The following RELN variants were observed in gnomAD, a reference collection of about 807,000 sequenced individuals.
RELN encodes reelin.
Under a neutral mutation model 427.6 loss-of-function variants are expected in RELN, and 108 were observed. That is an observed-to-expected ratio of 0.25 (90% confidence interval 0.22 to 0.30). RELN has a LOEUF of 0.30. RELN is among the 10% of genes least tolerant of loss of function. The pLI is 1.00. For synonymous variants in RELN, 1,524 were observed against 1,513.4 expected (o/e 1.01, Z -0.16); for missense variants, 3,715 against 4,302.8 (o/e 0.86, Z 3.82).
chr7:103,894,903 A>G (rs372995339), intron 2 of RELN, among the ~76,000 whole-genome samples: 36 of 152,172 alleles, frequency 2.4e-4, no homozygotes, highest in Admixed American at 8.5e-4. Context: ...TGCCCTAAGC[A>G]CTCTAATGCA....
At chr7:103,957,519 G>T (rs1398467558) in intron 1 of RELN, among the ~76,000 whole-genome samples, 2 of 152,100 alleles carry the variant, frequency 1.3e-5, no homozygotes, top group Admixed American at 1.3e-4. Context: ...TGACTGGTTT[G>T]CCCTTTTGTG....
At chr7:103,932,783 T>G (rs1032976454) in intron 1 of RELN, among the ~76,000 whole-genome samples, 6 of 152,162 alleles carry the variant, frequency 3.9e-5, no homozygotes, top group Non-Finnish European at 5.9e-5. Context: ...GTAAAACCCT[T>G]GCTTCAAAAC....
At chr7:103,589,549 C>G (rs949761178) in intron 28 of RELN, 47 bp downstream of exon 28, 2 of 1,233,354 alleles carry the variant, frequency 1.6e-6, no homozygotes, top group Non-Finnish European at 2.4e-6. Context: ...GCATTTGGGA[C>G]TGTGTCTTTC....
intron 40 of RELN, among the ~76,000 whole-genome samples, chr7:103,551,694 T>TTA (rs1407152241): frequency 5.9e-5 from 9 of 152,138 alleles, no homozygotes; most frequent in Non-Finnish European, 8.8e-5. Context: ...ATTTTCCTTC[T>TTA]TATGACACCT....
chr7:103,546,243 A>G (rs1244151025), intron 41 of RELN, among the ~76,000 whole-genome samples: 5 of 152,218 alleles, frequency 3.3e-5, no homozygotes, highest in Non-Finnish European at 7.3e-5. Flanking sequence ...GGAAAGATAG[A>G]ATATGTGACC....
At chr7:103,741,670 GAA>G (rs1790662661) in intron 6 of RELN, among the ~76,000 whole-genome samples, 1 of 32,522 alleles carries the variant, frequency 3.1e-5, no homozygotes, top group Non-Finnish European at 7.0e-5. Context: ...AGAAAGGGAA[GAA>G]GGGAAGGGAA....
chr7:103,890,518 A>T (rs1430614497), intron 2 of RELN, among the ~76,000 whole-genome samples: 1 of 150,998 alleles, frequency 6.6e-6, no homozygotes, highest in East Asian at 2.0e-4. Context: ...ACTCCTTACG[A>T]GACTCGAACA....
rs1199992009 is a variant in RELN, at chr7:103,773,342, C to CCT, written c.544+3213_544+3214dup. ...CTCCGTCTCTCTCTCTCCCTCGCTT[C>CCT]CTCTCTCTCTCTCCCTCTCTCTCTC... On this transcript the variant is annotated intron_variant, in intron 4 of 64. Coordinates refer to ENST00000428762, the MANE Select transcript of RELN (RefSeq NM_005045.4). Among the ~76,000 whole-genome samples the CCT allele has an allele frequency of 4.2e-3, 118 of 28,214 alleles. 13 individuals carry two copies. The highest frequency in any genetic ancestry group is 0.033 in the African/African-American group (109 of 3,342). The allele number at this position is 28,214 out of a possible 152,430, so 18.5% of individuals were successfully genotyped here.
At chr7:103,868,790 C>A (rs1248399184) in intron 2 of RELN, among the ~76,000 whole-genome samples, 3 of 151,994 alleles carry the variant, frequency 2.0e-5, no homozygotes, top group African/African-American at 7.2e-5. Flanking sequence ...CTGAAACATG[C>A]CTTTTATACT....
intron 1 of RELN, among the ~76,000 whole-genome samples, chr7:103,936,962 T>TA (rs1290388904): frequency 6.6e-6 from 1 of 152,206 alleles, no homozygotes; most frequent in African/African-American, 2.4e-5. Context: ...TTTGTTCTTT[T>TA]AAAAAAATTG....
chr7:103,878,022 A>T (rs1278108600), intron 2 of RELN, among the ~76,000 whole-genome samples: 1 of 151,854 alleles, frequency 6.6e-6, no homozygotes, highest in Non-Finnish European at 1.5e-5. Flanking sequence ...CGCCCAGCTA[A>T]TATTTTGTAT....
At chr7:103,976,341 CT>C (rs1481190985) in intron 1 of RELN, among the ~76,000 whole-genome samples, 2 of 152,174 alleles carry the variant, frequency 1.3e-5, no homozygotes, top group African/African-American at 4.8e-5. Context: ...GTGGCATCGT[CT>C]TGGCTTTTAG....
chr7:103,473,946 T>C (rs184972916), intron 64 of RELN, among the ~76,000 whole-genome samples: 5 of 152,240 alleles, frequency 3.3e-5, no homozygotes, highest in African/African-American at 1.2e-4. Context: ...GTACATAATG[T>C]CATGTGATGT....
rs1453947983 is a variant in RELN, at chr7:103,941,973, T to C, written c.227-24788A>G. Among the ~76,000 whole-genome samples, 6 of 151,258 alleles carry C rather than the reference T, an allele frequency of 4.0e-5. No individual in the cohort carries two copies. In the East Asian group the frequency reaches 1.2e-3, roughly 29 times the overall value. On this transcript the variant is annotated intron_variant, in intron 1 of 64. Coordinates refer to ENST00000428762, the MANE Select transcript of RELN (RefSeq NM_005045.4). ...TATATTTACTATATAATAAATTATATGTAATTACTAATATATTAAGTATTA... is the reference window on the plus strand; with the variant it reads ...TATATTTACTATATAATAAATTATACGTAATTACTAATATATTAAGTATTA...
chr7:103,698,173 T>C (rs1834018501), intron 9 of RELN, 80 bp from the exon 10 acceptor site: 42 of 1,523,634 alleles, frequency 2.8e-5, no homozygotes, highest in Non-Finnish European at 3.8e-5. Flanking sequence ...CTTAAGGTTG[T>C]AGTTTCATGA....
intron 2 of RELN, among the ~76,000 whole-genome samples, chr7:103,845,671 G>T (rs1793656840): frequency 6.6e-6 from 1 of 152,070 alleles, no homozygotes; most frequent in Non-Finnish European, 1.5e-5. Flanking sequence ...TATCATTAAA[G>T]TCTCAGGATA....
At chr7:103,481,182 T>A (rs1828222761) in intron 63 of RELN, among the ~76,000 whole-genome samples, 1 of 152,198 alleles carries the variant, frequency 6.6e-6, no homozygotes, top group African/African-American at 2.4e-5. Flanking sequence ...TTTTTAATCT[T>A]AGTATAAGTG....
chr7:103,532,374 C>A (rs1016556763), intron 46 of RELN, among the ~76,000 whole-genome samples: 2 of 151,962 alleles, frequency 1.3e-5, no homozygotes, highest in African/African-American at 4.8e-5. Context: ...ACTGGATGAC[C>A]TGTGCAGCAA....
rs139182864 is a variant in RELN, at chr7:103,473,874, A to G, written c.10287-966T>C. Among the ~76,000 whole-genome samples, 792 of 152,274 alleles carry G rather than the reference A, an allele frequency of 5.2e-3. 24 individuals carry two copies. The highest frequency in any genetic ancestry group is 0.047 in the Admixed American group (717 of 15,294). On this transcript the variant is annotated intron_variant, in intron 64 of 64. Transcript: ENST00000428762. ...GAGTGAGCCTATCAGTATATTTCAA[A>G]TTCACTGAGTTTCCTCATGGTCCCA...
Sources: gnomAD v4.1 joint callset for allele counts (sites outside exome capture counted in the v4.1 genomes callset) on GRCh38, gnomAD v4.1.1 for gene constraint, MANE v1.5 for transcripts, NCBI Gene and HGNC (gene_info 2026-07-23, HGNC 2026-07-21) for gene names.